CACNG2: variants seen among roughly 807,000 people sequenced by gnomAD.
CACNG2 encodes voltage-dependent calcium channel gamma-2 subunit.
In CACNG2, 3 loss-of-function variants were observed where a neutral mutation model predicts 25.9. The ratio of observed to expected loss-of-function variants is 0.12; its 90% CI spans 0.05 to 0.30. The LOEUF (loss-of-function observed/expected upper bound fraction) is 0.30. CACNG2 is among the 10% of genes least tolerant of loss of function. CACNG2 has a pLI of 1.00. For synonymous variants in CACNG2, 167 were observed against 173.3 expected (o/e 0.96, Z 0.29); for missense variants, 341 against 432.5 (o/e 0.79, Z 1.88).
In CACNG2 at chr22:36,564,085, C is replaced by G; in HGVS notation, c.*266G>C. 448 of 260,498 alleles carry G rather than the reference C, an allele frequency of 1.7e-3. No individual in the cohort carries two copies. Among genetic ancestry groups the G allele is most frequent in the East Asian group, 2.6e-3 (38 of 14,810 alleles). The allele number at this position is 260,498 out of a possible 1,614,324, so 16.1% of individuals were successfully genotyped here. ...CTCGCTTTTTTTTAAAGTTTGTTTT[C>G]TTCCCTCGTTTATATTTTCCCACAT... is the stretch of plus-strand genomic sequence containing the variant. On this transcript the variant is annotated 3_prime_UTR_variant, in exon 4 of 4. Coordinates refer to ENST00000300105, the MANE Select transcript of CACNG2 (RefSeq NM_006078.5). This position sits in a 1 kb window ranked among gnomAD's most constrained non-coding sequence, Gnocchi z 6.7.
chr22:36,645,286 C>T (rs918805000), intron 1 of CACNG2, among the ~76,000 whole-genome samples: 13 of 152,056 alleles, frequency 8.5e-5, no homozygotes, highest in African/African-American at 3.1e-4. Flanking sequence ...CAAGTTTCTT[C>T]CAGCACTTTG....
intron 1 of CACNG2, among the ~76,000 whole-genome samples, chr22:36,674,800 C>T (rs1937000331): frequency 6.6e-6 from 1 of 152,212 alleles, no homozygotes; most frequent in South Asian, 2.1e-4. Context: ...GCACAGTGGG[C>T]ACCTGAGCCA....
At position 36,648,505 on chromosome 22, in the gene CACNG2, A is replaced by G. The variant is rs148845262; in HGVS notation, c.211+53861T>C. Among the ~76,000 whole-genome samples, 874 of 151,798 alleles carry G rather than the reference A, an allele frequency of 5.8e-3. 3 individuals carry two copies. The highest frequency in any genetic ancestry group is 0.01 in the Middle Eastern group (3 of 294). On this transcript the variant is annotated intron_variant, in intron 1 of 3. Coordinates refer to ENST00000300105, the MANE Select transcript of CACNG2 (RefSeq NM_006078.5). ...CCGTCAGTTCTCCTATTCCAGCACAACCTCACTCAGAATGCCCAGACAAGT... is the reference window on the plus strand; with the variant it reads ...CCGTCAGTTCTCCTATTCCAGCACAGCCTCACTCAGAATGCCCAGACAAGT...
chr22:36,656,660 C>T (rs1227844296), intron 1 of CACNG2, among the ~76,000 whole-genome samples: 3 of 152,192 alleles, frequency 2.0e-5, no homozygotes, highest in African/African-American at 7.2e-5. Context: ...CTGGCCCCTG[C>T]TGCGTCCCTG....
At chr22:36,650,542 A>AT (rs201927801) in intron 1 of CACNG2, among the ~76,000 whole-genome samples, 17 of 151,846 alleles carry the variant, frequency 1.1e-4, no homozygotes, top group Middle Eastern at 3.4e-3. Flanking sequence ...CCCAGCTAAT[A>AT]TTTTTTTTAA....
intron 1 of CACNG2, among the ~76,000 whole-genome samples, chr22:36,660,332 G>A (rs1257588152): frequency 1.3e-5 from 2 of 152,384 alleles, no homozygotes; most frequent in East Asian, 1.9e-4. Context: ...AGCCGGGCCC[G>A]TGACCATGGC....
At position 36,565,318 on chromosome 22, in the gene CACNG2, G is replaced by A. The variant is rs570347925; in HGVS notation, c.437-432C>T. 6.6e-5 allele frequency among the ~76,000 whole-genome samples: 10 copies of A among 152,328 alleles called. No individual in the cohort carries two copies. In the South Asian group the frequency reaches 1.9e-3, roughly 28 times the overall value. On this transcript the variant is annotated intron_variant, in intron 3 of 3. Coordinates refer to ENST00000300105, the MANE Select transcript of CACNG2 (RefSeq NM_006078.5). Reference sequence around the variant, plus strand: ...AGCTGGTGTAGCAGCGGGTGAAGGCGGGCTGATGGAGCCAGGCTGGCCTGC... The same window carrying A: ...AGCTGGTGTAGCAGCGGGTGAAGGCAGGCTGATGGAGCCAGGCTGGCCTGC...
At chr22:36,670,353 A>G (rs1434084358) in intron 1 of CACNG2, among the ~76,000 whole-genome samples, 1 of 152,244 alleles carries the variant, frequency 6.6e-6, no homozygotes, top group East Asian at 1.9e-4. Context: ...ACAAAATGAA[A>G]TATAAAATAT....
chr22:36,593,969 G>A (rs1172604015), intron 1 of CACNG2, among the ~76,000 whole-genome samples: 1 of 152,164 alleles, frequency 6.6e-6, no homozygotes, highest in Admixed American at 6.5e-5. Context: ...CATCACTCCA[G>A]TAAGGGGAGA....
At chr22:36,565,332 A>C (rs939552958) in intron 3 of CACNG2, among the ~76,000 whole-genome samples, 12 of 152,240 alleles carry the variant, frequency 7.9e-5, no homozygotes, top group Admixed American at 2.0e-4. Context: ...TGATGGAGCC[A>C]GGCTGGCCTG....
At chr22:36,565,505 G>T (rs993743574) in intron 3 of CACNG2, among the ~76,000 whole-genome samples, 3 of 151,120 alleles carry the variant, frequency 2.0e-5, no homozygotes, top group African/African-American at 7.3e-5. Flanking sequence ...TTAAGATACA[G>T]TCTTGCTCTG....
intron 1 of CACNG2, among the ~76,000 whole-genome samples, chr22:36,596,324 C>T (rs1024471408): frequency 6.6e-6 from 1 of 152,224 alleles, no homozygotes; most frequent in African/African-American, 2.4e-5. Flanking sequence ...CCATGCCTGG[C>T]TTGTTTCTGG....
At chr22:36,694,203 G>A (rs57955552) in intron 1 of CACNG2, among the ~76,000 whole-genome samples, 4,728 of 152,188 alleles carry the variant, frequency 0.031, 261 homozygotes, top group African/African-American at 0.11. Flanking sequence ...TCTAAGGCTC[G>A]TATTTTAAGT....
At chr22:36,658,210 T>C (rs1178038026) in intron 1 of CACNG2, among the ~76,000 whole-genome samples, 6 of 151,902 alleles carry the variant, frequency 3.9e-5, no homozygotes, top group African/African-American at 1.5e-4. Context: ...GCCCATGAAC[T>C]TGAGTGGGGG....
intron 1 of CACNG2, among the ~76,000 whole-genome samples, chr22:36,690,255 A>G (rs1013979441): frequency 2.0e-5 from 3 of 152,222 alleles, no homozygotes; most frequent in South Asian, 2.1e-4. Flanking sequence ...GTGGGGACTC[A>G]GGGGGAAGTG....
At chr22:36,682,183 A>G (rs1365120383) in intron 1 of CACNG2, among the ~76,000 whole-genome samples, 1 of 152,218 alleles carries the variant, frequency 6.6e-6, no homozygotes, top group Non-Finnish European at 1.5e-5. Flanking sequence ...GGGGGAGAAG[A>G]CGCAGGGCTT....
At chr22:36,625,890 G>A (rs1226502644) in intron 1 of CACNG2, among the ~76,000 whole-genome samples, 1 of 152,132 alleles carries the variant, frequency 6.6e-6, no homozygotes, top group Admixed American at 6.5e-5. Context: ...GATTGAGCTA[G>A]CTACCTTGAA....
At chr22:36,613,399 C>T (rs1042503436) in intron 1 of CACNG2, among the ~76,000 whole-genome samples, 2 of 152,200 alleles carry the variant, frequency 1.3e-5, no homozygotes, top group Admixed American at 1.3e-4. Context: ...AGCATCTACA[C>T]ATGCCCCTAC....
intron 2 of CACNG2, among the ~76,000 whole-genome samples, chr22:36,570,901 C>T (rs983166197): frequency 1.3e-5 from 2 of 151,772 alleles, no homozygotes; most frequent in South Asian, 2.1e-4. Flanking sequence ...ACATTGGAGA[C>T]GTTTCTTGAA....
Sources: gnomAD v4.1 joint callset for allele counts (sites outside exome capture counted in the v4.1 genomes callset) on GRCh38, gnomAD v4.1.1 for gene constraint, Gnocchi (gnomAD v3.1) non-coding constraint, MANE v1.5 for transcripts, NCBI Gene and HGNC (gene_info 2026-07-23, HGNC 2026-07-21) for gene names.